Variants in ZNF79 observed in about 807,000 individuals in gnomAD.
The protein encoded by ZNF79 is ZNFpT7.
ZNF79 carries 13 observed loss-of-function variants against 14.9 expected under a neutral mutation model. That is an observed-to-expected ratio of 0.87 (90% CI 0.57 to 1.38). The LOEUF is 1.38. Among genes scored for constraint, ZNF79 ranks in the 40% most tolerant of loss-of-function variants. ZNF79 has a pLI of 0.00. For synonymous variants in ZNF79, 223 were observed against 235.1 expected, an observed-to-expected ratio of 0.95 and a Z score of 0.47; for missense variants, 631 against 630.6, an observed-to-expected ratio of 1.00 and a Z score of -0.01.
At chr9:127,440,405 T>C (rs1834029189) in intron 4 of ZNF79, among the ~76,000 whole-genome samples, 1 of 152,118 alleles carries the variant, frequency 6.6e-6, no homozygotes, top group Admixed American at 6.6e-5. Context: ...GAGACCTTAA[T>C]GTGGGAATGA....
rs975146287 is a variant in ZNF79 at position 127,424,474 on chromosome 9, TGTTGCCA to T, written c.-297_-291del. 3.8e-5 allele frequency: 14 copies of T among 366,328 alleles called. No homozygotes were observed. The highest frequency in any genetic ancestry group is 6.2e-5 in the African/African-American group (3 of 48,336). 22.7% of individuals were successfully genotyped at this position (366,328 alleles called of 1,614,324 possible). On this transcript the variant is annotated 5_prime_UTR_variant, in exon 1 of 5. Coordinates refer to ENST00000342483, the MANE Select transcript of ZNF79 (RefSeq NM_007135.3). ...TGAGCTCTCGCGGTTGCCGGTAGAT[TGTTGCCA>T]GTTGCCAGTTGCCAGTCGTTTTTCG...
chr9:127,428,793 A>G (rs1219559502), intron 1 of ZNF79, 39 bp from the exon 2 acceptor site: 1 of 1,491,850 alleles, frequency 6.7e-7, no homozygotes, highest in Non-Finnish European at 9.0e-7. Context: ...GACTTCATAA[A>G]CTGCTTTTAA....
chr9:127,429,014 C>T (rs1296888546), intron 2 of ZNF79, 94 bp downstream of exon 2: 1 of 859,462 alleles, frequency 1.2e-6, no homozygotes, highest in Non-Finnish European at 1.7e-6. Flanking sequence ...TGTTTGTTTT[C>T]TTTCTTTCTT....
chr9:127,444,317 C>G lies in ZNF79; in HGVS notation c.617C>G (p.Ser206Cys). Residue 206 changes from serine (S) to cysteine (C), a missense_variant, in exon 5 of 5, where the codon TCT (serine) becomes TGT (cysteine). By Grantham distance (112) the Ser-to-Cys change is moderately radical (BLOSUM62 -1). Coordinates refer to ENST00000342483, the MANE Select transcript of ZNF79 (RefSeq NM_007135.3). Reference protein sequence around the residue: ...NECGKAFSYCSSLSQHQKSHT... With the variant: ...NECGKAFSYCCSLSQHQKSHT... ...TGTGGCAAAGCCTTCAGTTACTGTT[C>G]TTCCCTTTCTCAGCATCAGAAGAGC... The G allele has an allele frequency of 6.2e-7, 1 of 1,614,186 alleles. No individual in the cohort carries two copies. Among genetic ancestry groups the G allele is most frequent in the Admixed American group, 1.7e-5 (1 of 60,016 alleles).
rs4504745 is a variant in ZNF79, at chr9:127,435,135, A to G, written c.151A>G (p.Arg51Gly). 0.59 allele frequency: 945,882 copies of G among 1,611,562 alleles called. 280,358 individuals are homozygous for G. Among genetic ancestry groups the G allele is most frequent in the Admixed American group, 0.66 (39,425 of 59,662 alleles). ...SSVTVAFAQE[R>G]WRCLVSTPRD... ...TGTGACGGTAGCTTTTGCACAGGAA[A>G]GGTGGAGGTGCCTCGTGTCTACTCC... The change falls in exon 3 of 5, where the codon AGG (arginine) becomes GGG (glycine). Residue 51 changes from arginine to glycine, a missense_variant. Transcript: ENST00000342483.
intron 1 of ZNF79, among the ~76,000 whole-genome samples, chr9:127,426,470 G>A (rs1215635421): frequency 1.3e-5 from 2 of 150,628 alleles, no homozygotes; most frequent in Middle Eastern, 3.2e-3. Context: ...CGCCTCCCGC[G>A]TTCAAGTGAT....
chr9:127,425,072 C>T (rs984374290), intron 1 of ZNF79, among the ~76,000 whole-genome samples: 4 of 152,124 alleles, frequency 2.6e-5, no homozygotes, highest in African/African-American at 9.7e-5. Context: ...ACCACGTACC[C>T]CAGTCTGCCC....
At position 127,424,473 on chromosome 9, in the gene ZNF79, T is replaced by G; in HGVS notation, c.-315T>G. On this transcript the variant is annotated 5_prime_UTR_variant, in exon 1 of 5. Transcript: ENST00000342483. The stretch of plus-strand genomic sequence containing the variant: ...TTGAGCTCTCGCGGTTGCCGGTAGA[T>G]TGTTGCCAGTTGCCAGTTGCCAGTC... 2.8e-6 allele frequency: 1 copy of G among 361,226 alleles called. No individual in the cohort carries two copies. Among genetic ancestry groups the G allele is most frequent in the Non-Finnish European group, 5.2e-6 (1 of 191,694 alleles). 22.4% of individuals were successfully genotyped at this position (361,226 alleles called of 1,614,324 possible).
Position 127,444,048 on chromosome 9 carries a change from A to C in ZNF79, c.348A>C (p.Gly116=). The C allele has an allele frequency of 6.3e-7, 1 of 1,592,282 alleles. No individual in the cohort carries two copies. Among genetic ancestry groups the C allele is most frequent in the African/African-American group, 1.4e-5 (1 of 73,984 alleles). The change falls in exon 5 of 5, where the codon GGA becomes GGC. Residue 116 remains glycine (G), a synonymous_variant. Transcript: ENST00000342483. ...SPSPGWKIIS[G]SPPEQALSEA... ...TTTCAGGCTGGAAGATTATATCTGG[A>C]TCACCACCAGAGCAAGCCCTTTCTG... is the stretch of plus-strand genomic sequence containing the variant.
Position 127,444,939 on chromosome 9 carries a change from G to C in ZNF79, c.1239G>C (p.Gly413=). 1.2e-6 allele frequency: 2 copies of C among 1,613,756 alleles called. No individual in the cohort carries two copies. The highest frequency in any genetic ancestry group is 1.7e-6 in the Non-Finnish European group (2 of 1,179,964). The stretch of plus-strand genomic sequence containing the variant: ...TAATCCACCAAAAGACCCACACCGG[G>C]GAGAAGCCATATAAATGTAATGAAT... The part of the protein sequence containing the change: ...NLIIHQKTHT[G]EKPYKCNECG... The change falls in exon 5 of 5, where the codon GGG becomes GGC. Residue 413 remains glycine, a synonymous_variant. Transcript: ENST00000342483.
chr9:127,441,100 C>T (rs1330047336), intron 4 of ZNF79, among the ~76,000 whole-genome samples: 1 of 151,904 alleles, frequency 6.6e-6, no homozygotes, highest in Non-Finnish European at 1.5e-5. Context: ...TTTTTTTTTA[C>T]TCAAATAGAT....
At chr9:127,441,605 A>C (rs1028912361) in intron 4 of ZNF79, among the ~76,000 whole-genome samples, 2 of 151,264 alleles carry the variant, frequency 1.3e-5, no homozygotes, top group Admixed American at 1.3e-4. Context: ...TGAGGTCAGG[A>C]GTTCGAGACC....
chr9:127,426,983 T>C (rs940254456), intron 1 of ZNF79, among the ~76,000 whole-genome samples: 1 of 151,430 alleles, frequency 6.6e-6, no homozygotes, highest in Non-Finnish European at 1.5e-5. Flanking sequence ...ATTATAGTCA[T>C]GTTAGTAGGT....
chr9:127,426,206 A>G (rs950691509), intron 1 of ZNF79, among the ~76,000 whole-genome samples: 2 of 152,136 alleles, frequency 1.3e-5, no homozygotes, highest in Admixed American at 6.6e-5. Context: ...AACCATCACT[A>G]TTTAATTCCA....
intron 2 of ZNF79, among the ~76,000 whole-genome samples, chr9:127,430,800 G>C (rs1833846783): frequency 6.6e-6 from 1 of 152,208 alleles, no homozygotes; most frequent in Non-Finnish European, 1.5e-5. Context: ...ACAGTAATGG[G>C]ATTGCCGGGT....
Position 127,435,955 on chromosome 9 carries a change from G to GAAGGC in ZNF79, c.281_285dup (p.Ala96LysfsTer40). 6.2e-7 allele frequency: 1 copy of GAAGGC among 1,614,248 alleles called. No homozygotes were observed. The highest frequency in any genetic ancestry group is 1.1e-5 in the South Asian group (1 of 91,086). ...CATGAACTCCCAGTTGGAACAAAGG[G>GAAGGC]AAGGCGCATGGATGCTGGAGGGCGA... On this transcript the variant is annotated frameshift_variant, in exon 4 of 5. Coordinates refer to ENST00000342483, the MANE Select transcript of ZNF79 (RefSeq NM_007135.3). LOFTEE classifies it low-confidence loss of function (END_TRUNC).
chr9:127,443,922 A>AAT, intron 4 of ZNF79, 107 bp from the exon 5 acceptor site: 9 of 743,296 alleles, frequency 1.2e-5, no homozygotes, highest in Non-Finnish European at 1.6e-5. Context: ...AAAAAAAAAA[A>AAT]GGAGATGAGT....
Position 127,445,001 on chromosome 9 carries a change from G to A in ZNF79, c.1301G>A (p.Arg434Gln), listed in dbSNP as rs1424317222. ...TTCAGTGAGAGCTCAGCCCTCATTC[G>A]GCATCATATAATCCACACCGGAGAA... The part of the protein sequence containing the change: ...KFFSESSALI[R>Q]HHIIHTGEKP... The change falls in exon 5 of 5, where the codon CGG becomes CAG. Residue 434 changes from arginine to glutamine, a missense_variant. Transcript: ENST00000342483. The A allele has an allele frequency of 6.2e-6, 10 of 1,614,082 alleles. No individual in the cohort carries two copies. Among genetic ancestry groups the A allele is most frequent in the South Asian group, 2.2e-5 (2 of 91,072 alleles).
chr9:127,428,484 A>G (rs558043222), intron 1 of ZNF79: 2 of 177,358 alleles, frequency 1.1e-5, no homozygotes, highest in African/African-American at 4.7e-5. Flanking sequence ...CGACTGCTTT[A>G]TCTGTATGTT....
Sources: gnomAD v4.1 joint callset for allele counts (sites outside exome capture counted in the v4.1 genomes callset) on GRCh38, gnomAD v4.1.1 for gene constraint, MANE v1.5 for transcripts, NCBI Gene and HGNC (gene_info 2026-07-23, HGNC 2026-07-21) for gene names.